The following FGF12 variants were observed in gnomAD, a reference collection of about 807,000 sequenced individuals.
The protein encoded by FGF12 is fibroblast growth factor 12, also known as fibroblast growth factor 12B.
In FGF12, 14 loss-of-function variants were observed where a neutral mutation model predicts 23.6. The ratio of observed to expected loss-of-function variants is 0.59; its 90% CI spans 0.39 to 0.93. The LOEUF (loss-of-function observed/expected upper bound fraction) is 0.93. Ranked by LOEUF, FGF12 falls within the 40% of genes least tolerant of loss-of-function variation. The pLI is 0.00. For synonymous variants in FGF12, 62 were observed against 77.3 expected, an observed-to-expected ratio of 0.80 and a Z score of 1.04; for missense variants, 175 against 217.8, an observed-to-expected ratio of 0.80 and a Z score of 1.24.
chr3:192,282,482 T>C (rs1380145381), intron 4 of FGF12, among the ~76,000 whole-genome samples: 1 of 152,132 alleles, frequency 6.6e-6, no homozygotes, highest in South Asian at 2.1e-4. Context: ...ATGAGATGTT[T>C]GAAAATTTTC....
intron 2 of FGF12, among the ~76,000 whole-genome samples, chr3:192,433,317 A>G (rs1721921569): frequency 6.6e-6 from 1 of 152,222 alleles, no homozygotes; most frequent in South Asian, 2.1e-4. Flanking sequence ...CAAATAGTCA[A>G]CTGCAGAAGG....
In FGF12 at chr3:192,451,529, A is replaced by G. The variant is rs187509863; in HGVS notation, c.14-90991T>C. Among the ~76,000 whole-genome samples, 247 of 152,332 alleles carry G rather than the reference A, an allele frequency of 1.6e-3. 1 individual carries two copies. The highest frequency in any genetic ancestry group is 5.5e-3 in the African/African-American group (228 of 41,580). Reference sequence around the variant, plus strand: ...GAGCAGGAGGTTGCCATATTAAAAGATAAGTTTGTGATGATTAGTAGACCC... The same window carrying G: ...GAGCAGGAGGTTGCCATATTAAAAGGTAAGTTTGTGATGATTAGTAGACCC... On this transcript the variant is annotated intron_variant, in intron 2 of 5. Coordinates refer to ENST00000445105, the MANE Select transcript of FGF12 (RefSeq NM_004113.6).
At chr3:192,701,349 C>T (rs571994535) in intron 2 of FGF12, among the ~76,000 whole-genome samples, 4 of 152,164 alleles carry the variant, frequency 2.6e-5, no homozygotes, top group Middle Eastern at 3.4e-3. Context: ...AGCCGTAGCC[C>T]GACCACTCTG....
intron 2 of FGF12, among the ~76,000 whole-genome samples, chr3:192,687,964 C>T (rs1490571866): frequency 6.6e-6 from 1 of 152,092 alleles, no homozygotes; most frequent in African/African-American, 2.4e-5. Context: ...TTGGCTGCCA[C>T]ACACATGCCT....
At chr3:192,528,569 G>A (rs1301725790) in intron 2 of FGF12, among the ~76,000 whole-genome samples, 1 of 152,158 alleles carries the variant, frequency 6.6e-6, no homozygotes, top group Non-Finnish European at 1.5e-5. Flanking sequence ...ACTAGACAGT[G>A]CCCCAGTAGG....
chr3:192,179,808 G>A (rs6795020), intron 4 of FGF12, among the ~76,000 whole-genome samples: 34,053 of 151,858 alleles, frequency 0.22, 4,538 homozygotes, highest in African/African-American at 0.35. Context: ...GGCCTCCCGG[G>A]GTGCTGGGAA....
rs573570380 is a variant in FGF12 at position 192,639,970 on chromosome 3, A to C, written c.13+87211T>G. 1.2e-4 allele frequency among the ~76,000 whole-genome samples: 18 copies of C among 152,320 alleles called. No individual in the cohort carries two copies. The South Asian group carries it at 3.7e-3, about 32-fold the overall frequency. On this transcript the variant is annotated intron_variant, in intron 2 of 5. Transcript: ENST00000445105. ...AGTAAGTGAAATAGGCCAAACACAG[A>C]AAGAAAAATATTGCCTAATCTCACT...
intron 5 of FGF12, among the ~76,000 whole-genome samples, chr3:192,159,753 A>G (rs1714756885): frequency 6.6e-6 from 1 of 152,182 alleles, no homozygotes; most frequent in Non-Finnish European, 1.5e-5. Context: ...TGTCACCACT[A>G]GAGAGGATGA....
At chr3:192,406,399 T>C (rs1560101942) in intron 2 of FGF12, among the ~76,000 whole-genome samples, 2 of 152,160 alleles carry the variant, frequency 1.3e-5, no homozygotes, top group Middle Eastern at 3.4e-3. Flanking sequence ...GAGATTGAGA[T>C]ATAAAAGTCA....
intron 2 of FGF12, among the ~76,000 whole-genome samples, chr3:192,510,197 T>C (rs1724427060): frequency 6.6e-6 from 1 of 152,120 alleles, no homozygotes; most frequent in South Asian, 2.1e-4. Flanking sequence ...TAACTTCCAG[T>C]GAATGGGATA....
intron 4 of FGF12, among the ~76,000 whole-genome samples, chr3:192,326,244 A>G (rs1364539254): frequency 6.6e-6 from 1 of 152,204 alleles, no homozygotes; most frequent in Admixed American, 6.5e-5. Context: ...GTCCCATCAA[A>G]GTATAAAATG....
chr3:192,601,974 G>T (rs879944492), intron 2 of FGF12, among the ~76,000 whole-genome samples: 3 of 152,112 alleles, frequency 2.0e-5, no homozygotes, highest in African/African-American at 7.2e-5. Flanking sequence ...TAGCACCCAT[G>T]AATATGGAGG....
Position 192,512,256 on chromosome 3 carries a change from AT to A in FGF12, c.14-151719del, listed in dbSNP as rs149028663. On this transcript the variant is annotated intron_variant, in intron 2 of 5. Coordinates refer to ENST00000445105, the MANE Select transcript of FGF12 (RefSeq NM_004113.6). Reference sequence around the variant, plus strand: ...TTATACATTTGCTCTGTGAAAAAAAATGTTTGATATCATTACCTCAATTTGC... The same window carrying A: ...TTATACATTTGCTCTGTGAAAAAAAAGTTTGATATCATTACCTCAATTTGC... Among the ~76,000 whole-genome samples the A allele has an allele frequency of 1.8e-3, 281 of 152,230 alleles. 10 individuals are homozygous for A. The East Asian group carries it at 0.028, about 15-fold the overall frequency.
At chr3:192,512,834 A>AT in intron 2 of FGF12, among the ~76,000 whole-genome samples, 16 of 95,124 alleles carry the variant, frequency 1.7e-4, no homozygotes, top group African/African-American at 6.0e-4. Flanking sequence ...ATACTCAAAT[A>AT]AATATATATA....
intron 2 of FGF12, among the ~76,000 whole-genome samples, chr3:192,518,595 A>G (rs1197390643): frequency 6.6e-6 from 1 of 152,220 alleles, no homozygotes; most frequent in Non-Finnish European, 1.5e-5. Context: ...CTTTTATTGA[A>G]TATATCAATG....
intron 2 of FGF12, among the ~76,000 whole-genome samples, chr3:192,633,353 G>A (rs919735168): frequency 3.9e-5 from 6 of 152,016 alleles, no homozygotes; most frequent in African/African-American, 1.4e-4. Context: ...GCCTCTCCTC[G>A]TCTTATCAAT....
intron 4 of FGF12, among the ~76,000 whole-genome samples, chr3:192,297,775 C>T (rs973426311): frequency 3.3e-5 from 5 of 152,170 alleles, no homozygotes; most frequent in Non-Finnish European, 7.3e-5. Flanking sequence ...GAATCTCTAA[C>T]ATCCCCAAAG....
At chr3:192,699,366 G>A (rs2108728389) in intron 2 of FGF12, among the ~76,000 whole-genome samples, 1 of 152,260 alleles carries the variant, frequency 6.6e-6, no homozygotes, top group East Asian at 1.9e-4. Flanking sequence ...ATGAGTCAGT[G>A]GTAATCATGG....
intron 2 of FGF12, among the ~76,000 whole-genome samples, chr3:192,610,343 T>C (rs182743465): frequency 1.4e-4 from 22 of 152,128 alleles, no homozygotes; most frequent in African/African-American, 5.1e-4. Flanking sequence ...AGGAAGCCAT[T>C]AGAAGTGTAC....
Sources: gnomAD v4.1 joint callset for allele counts (sites outside exome capture counted in the v4.1 genomes callset) on GRCh38, gnomAD v4.1.1 for gene constraint, MANE v1.5 for transcripts, NCBI Gene and HGNC (gene_info 2026-07-23, HGNC 2026-07-21) for gene names.